Variants in STK10 observed in about 807,000 individuals in gnomAD.
STK10 encodes serine/threonine kinase 10.
In STK10, 78 loss-of-function variants were observed where a neutral mutation model predicts 113.8. The observed-to-expected ratio is 0.69, with a 90% confidence interval of 0.57 to 0.83. The LOEUF is 0.83. STK10 is among the 40% of genes least tolerant of loss of function. The pLI is 0.00. For synonymous variants in STK10, 465 were observed against 494.7 expected (o/e 0.94, Z 0.80); for missense variants, 1,109 against 1,280.1 (o/e 0.87, Z 2.04).
intron 18 of STK10, among the ~76,000 whole-genome samples, chr5:172,048,895 G>A (rs897485814): frequency 2.0e-5 from 3 of 151,578 alleles, no homozygotes; most frequent in Non-Finnish European, 2.9e-5. Flanking sequence ...TCCGGCCGCA[G>A]GGGTCTCCTT....
At chr5:172,055,799 G>C (rs1365076951) in intron 15 of STK10, 23 bp from the exon 16 acceptor site, 6 of 1,436,694 alleles carry the variant, frequency 4.2e-6, no homozygotes, top group Non-Finnish European at 4.6e-6. Flanking sequence ...ATCCAGAGGG[G>C]CTGAGGGCAG....
At chr5:172,054,152 C>T (rs1767693840) in intron 17 of STK10, among the ~76,000 whole-genome samples, 1 of 152,164 alleles carries the variant, frequency 6.6e-6, no homozygotes. Flanking sequence ...ATGGGGCAAA[C>T]CCAGGGGCCA....
rs188974066 is a variant in STK10 at position 172,089,723 on chromosome 5, G to A, written c.1685+509C>T. 4.5e-4 allele frequency among the ~76,000 whole-genome samples: 68 copies of A among 151,990 alleles called. 1 individual carries two copies. The highest frequency in any genetic ancestry group is 4.4e-5 in the Non-Finnish European group (3 of 67,956). On this transcript the variant is annotated intron_variant, in intron 10 of 18. Transcript: ENST00000176763. ...TTAGGTGGATAGATGGAAGGTGAGT[G>A]AGTGGGTAGATGAATCAGTGGATGA...
At position 172,183,127 on chromosome 5, in the gene STK10, A is replaced by AG. The variant is rs373645123; in HGVS notation, c.156+4759dup. The stretch of plus-strand genomic sequence containing the variant: ...GAGGCTGAGACAGGAGGATCCCTTG[A>AG]GCCCAGGAGTTCGAGGCTGAAGTAA... On this transcript the variant is annotated intron_variant, in intron 1 of 18. Transcript: ENST00000176763. 2.3e-3 allele frequency among the ~76,000 whole-genome samples: 354 copies of AG among 152,320 alleles called. 1 individual carries two copies. The highest frequency in any genetic ancestry group is 8.3e-3 in the African/African-American group (343 of 41,572).
At chr5:172,124,031 A>G (rs111461619) in intron 3 of STK10, among the ~76,000 whole-genome samples, 1,827 of 152,272 alleles carry the variant, frequency 0.012, 41 homozygotes, top group African/African-American at 0.041. Flanking sequence ...GGCTCAAGCA[A>G]TCCTCCAGCC....
At chr5:172,159,633 G>T (rs1770426358) in intron 1 of STK10, among the ~76,000 whole-genome samples, 1 of 150,594 alleles carries the variant, frequency 6.6e-6, no homozygotes, top group South Asian at 2.1e-4. Flanking sequence ...ACCAGCCTAG[G>T]CAAGATGGTG....
rs1561783321 is a variant in STK10, at chr5:172,042,321, C to T, written c.*2561G>A. On this transcript the variant is annotated 3_prime_UTR_variant, in exon 19 of 19. Coordinates refer to ENST00000176763, the MANE Select transcript of STK10 (RefSeq NM_005990.4). Reference sequence around the variant, plus strand: ...CACGAGGAATACCGCGTGGGCCTCTCAGAGATGGGCATTGCACGGTGGCTC... The same window carrying T: ...CACGAGGAATACCGCGTGGGCCTCTTAGAGATGGGCATTGCACGGTGGCTC... 6.6e-6 allele frequency: 1 copy of T among 152,646 alleles called. No individual in the cohort carries two copies. 9.5% of individuals were successfully genotyped at this position (152,646 alleles called of 1,614,324 possible).
intron 10 of STK10, among the ~76,000 whole-genome samples, chr5:172,083,889 C>T (rs1387385456): frequency 8.6e-6 from 1 of 116,590 alleles, no homozygotes; most frequent in Non-Finnish European, 1.7e-5. Context: ...GCCTGGACTA[C>T]AAGAGCGAAA....
At chr5:172,046,947 C>T (rs936772245) in intron 18 of STK10, among the ~76,000 whole-genome samples, 2 of 152,192 alleles carry the variant, frequency 1.3e-5, no homozygotes, top group Non-Finnish European at 2.9e-5. Flanking sequence ...GAAGATTTGA[C>T]TTGTTTGAGG....
Position 172,156,714 on chromosome 5 carries a change from G to C in STK10, c.231C>G (p.Asp77Glu). 1 of 1,614,154 alleles carries C rather than the reference G, an allele frequency of 6.2e-7. No homozygotes were observed. Reference sequence around the variant, plus strand: ...CCAGGATCTCAATCTCCACGATGTAGTCCTCCAGCTCCTCCTCACTCTTGG... The same window carrying C: ...CCAGGATCTCAATCTCCACGATGTACTCCTCCAGCTCCTCCTCACTCTTGG... ...IETKSEEELE[D>E]YIVEIEILAT... Residue 77 changes from aspartate (D) to glutamate (E), a missense_variant, in exon 2 of 19, where the codon GAC becomes GAG. Transcript: ENST00000176763.
chr5:172,076,978 C>T (rs769433677), intron 12 of STK10, among the ~76,000 whole-genome samples: 2 of 151,966 alleles, frequency 1.3e-5, no homozygotes, highest in Middle Eastern at 3.4e-3. Context: ...CCATGGAGGG[C>T]GAAGGCAAAG....
chr5:172,118,850 G>A (rs922301044), intron 3 of STK10, among the ~76,000 whole-genome samples: 1 of 138,774 alleles, frequency 7.2e-6, no homozygotes, highest in East Asian at 2.0e-4. Flanking sequence ...CTGCACTCCA[G>A]CCTGGGTGAC....
At chr5:172,094,245 C>G (rs970230188) in intron 8 of STK10, among the ~76,000 whole-genome samples, 2 of 152,228 alleles carry the variant, frequency 1.3e-5, no homozygotes, top group African/African-American at 4.8e-5. Flanking sequence ...CTGGCCAGCT[C>G]ATGGCCCACA....
intron 8 of STK10, 139 bp downstream of exon 8, chr5:172,096,287 G>T: frequency 1.5e-6 from 2 of 1,359,944 alleles, no homozygotes; most frequent in Non-Finnish European, 2.0e-6. Flanking sequence ...TACCTGCAGC[G>T]TGGGAGTCTG....
chr5:172,171,704 A>G (rs1028782342), intron 1 of STK10, among the ~76,000 whole-genome samples: 2 of 112,232 alleles, frequency 1.8e-5, no homozygotes, highest in African/African-American at 6.6e-5. Context: ...GACAGAGTGA[A>G]ACTCTTGTCT....
intron 2 of STK10, among the ~76,000 whole-genome samples, chr5:172,146,454 G>C (rs546466457): frequency 6.6e-6 from 1 of 152,200 alleles, no homozygotes; most frequent in East Asian, 1.9e-4. Flanking sequence ...GAAACACAAG[G>C]AAAACGGAAC....
In STK10 at chr5:172,187,268, C is replaced by G. The variant is rs755674032; in HGVS notation, c.156+619G>C. On this transcript the variant is annotated intron_variant, in intron 1 of 18. Coordinates refer to ENST00000176763, the MANE Select transcript of STK10 (RefSeq NM_005990.4). This position sits in a 1 kb window ranked among gnomAD's most constrained non-coding sequence, Gnocchi z 4.6. Reference sequence around the variant, plus strand: ...GTGACTCAGACCGACGGAATCAAATCTGTTCCCCCAGGCTCAGCATTCACC... The same window carrying G: ...GTGACTCAGACCGACGGAATCAAATGTGTTCCCCCAGGCTCAGCATTCACC... Among the ~76,000 whole-genome samples, 1 of 152,140 alleles carries G rather than the reference C, an allele frequency of 6.6e-6. No homozygotes were observed. The highest frequency in any genetic ancestry group is 1.5e-5 in the Non-Finnish European group (1 of 68,032).
rs550434597 is a variant in STK10 at position 172,170,435 on chromosome 5, A to G, written c.157-13647T>C. On this transcript the variant is annotated intron_variant, in intron 1 of 18. Transcript: ENST00000176763. ...ATCAATCATCACCATGCCAAGTTTCAGCTCAACGACAAGTGAGATGGCCAA... is the reference window on the plus strand; with the variant it reads ...ATCAATCATCACCATGCCAAGTTTCGGCTCAACGACAAGTGAGATGGCCAA... 3.3e-5 allele frequency among the ~76,000 whole-genome samples: 5 copies of G among 152,320 alleles called. No individual in the cohort carries two copies. In the South Asian group the frequency reaches 1.0e-3, roughly 32 times the overall value.
intron 12 of STK10, among the ~76,000 whole-genome samples, chr5:172,068,965 T>C (rs1390581258): frequency 6.6e-6 from 1 of 151,710 alleles, no homozygotes; most frequent in Non-Finnish European, 1.5e-5. Context: ...GTTGTAAAGG[T>C]ACATTTTACT....
Sources: allele counts gnomAD v4.1 joint callset (sites outside exome capture counted in the v4.1 genomes callset), GRCh38; gene constraint gnomAD v4.1.1; non-coding constraint Gnocchi (gnomAD v3.1); transcripts MANE v1.5; gene names NCBI Gene and HGNC (gene_info 2026-07-23, HGNC 2026-07-21).